TEX11: variants seen among roughly 807,000 people sequenced by gnomAD.
TEX11 encodes testis expressed 11.
Under a neutral mutation model 84.4 loss-of-function variants are expected in TEX11, and 7 were observed. That is an observed-to-expected ratio of 0.08 (90% CI 0.05 to 0.16). The LOEUF is 0.16. Ranked by LOEUF, TEX11 falls within the 10% of genes least tolerant of loss-of-function variation. TEX11 has a pLI of 1.00. For missense variants in TEX11, 551 were observed against 660.5 expected, an observed-to-expected ratio of 0.83 and a Z score of 1.82; for synonymous variants, 264 against 222.8, an observed-to-expected ratio of 1.18 and a Z score of -1.64.
At chrX:70,583,429 A>G (rs2147484054) in intron 25 of TEX11, among the ~76,000 whole-genome samples, 1 of 111,890 alleles carries the variant, frequency 8.9e-6, no homozygotes, top group South Asian at 3.8e-4. Context: ...ACTGCAAATG[A>G]CCTGATTTCA....
At chrX:70,564,947 A>T (rs1465861012) in intron 25 of TEX11, among the ~76,000 whole-genome samples, 1 of 108,843 alleles carries the variant, frequency 9.2e-6, no homozygotes, top group East Asian at 2.9e-4. Context: ...GTCAAATGGT[A>T]TTTCTAGTTC....
chrX:70,774,154 C>T (rs1006141450), intron 9 of TEX11, among the ~76,000 whole-genome samples: 5 of 109,952 alleles, frequency 4.5e-5, no homozygotes, highest in Admixed American at 9.8e-5. Context: ...CAACAGACTG[C>T]GCACTGTCCT....
intron 5 of TEX11, among the ~76,000 whole-genome samples, chrX:70,858,123 G>A (rs1287730671): frequency 3.7e-5 from 4 of 108,849 alleles, no homozygotes; most frequent in Non-Finnish European, 7.6e-5. Flanking sequence ...CTTGGGTGAT[G>A]GGTGCACCAA....
intron 20 of TEX11, among the ~76,000 whole-genome samples, chrX:70,622,049 C>T (rs1390701613): frequency 9.0e-6 from 1 of 111,194 alleles, no homozygotes; most frequent in East Asian, 2.8e-4. Context: ...CATTTATAAC[C>T]ACAGGAATTT....
At position 70,671,792 on chromosome X, in the gene TEX11, C is replaced by T. The variant is rs1275641320; in HGVS notation, c.1243-1278G>A. On this transcript the variant is annotated intron_variant, in intron 15 of 29. Transcript: ENST00000374333. Reference sequence around the variant, plus strand: ...CTCTTCACATCTTTCTCCTACAAAACCTACCATAACATTTTTTGGAAAACA... The same window carrying T: ...CTCTTCACATCTTTCTCCTACAAAATCTACCATAACATTTTTTGGAAAACA... Among the ~76,000 whole-genome samples the T allele has an allele frequency of 1.0e-4, 11 of 105,021 alleles. No individual in the cohort carries two copies. The East Asian group carries it at 2.7e-3, about 26-fold the overall frequency. The allele number at this position is 105,021 out of a possible 115,157, so 91.2% of individuals were successfully genotyped here. A position where few individuals can be genotyped will look rare whatever the true frequency, so the allele number is the denominator to read the frequency against.
At chrX:70,686,024 G>C (rs2090185767) in intron 13 of TEX11, among the ~76,000 whole-genome samples, 1 of 111,055 alleles carries the variant, frequency 9.0e-6, no homozygotes, top group African/African-American at 3.3e-5. Flanking sequence ...TAGGTTGCCT[G>C]CTCACTCTGA....
intron 17 of TEX11, among the ~76,000 whole-genome samples, chrX:70,644,788 G>C (rs1436994618): frequency 3.1e-5 from 2 of 64,596 alleles, no homozygotes; most frequent in Non-Finnish European, 5.5e-5. Context: ...GGGGGGAGGG[G>C]GGAGGGATAG....
At chrX:70,716,348 T>G (rs1315820093) in intron 13 of TEX11, among the ~76,000 whole-genome samples, 1 of 102,953 alleles carries the variant, frequency 9.7e-6, no homozygotes, top group Non-Finnish European at 2.0e-5. Flanking sequence ...TCTGCAGAAG[T>G]TTTTGCTGCC....
At chrX:70,713,469 G>T (rs1190758957) in intron 13 of TEX11, among the ~76,000 whole-genome samples, 3 of 111,739 alleles carry the variant, frequency 2.7e-5, no homozygotes, top group Non-Finnish European at 5.6e-5. Flanking sequence ...CAATGGCAGA[G>T]CCTGTTATTG....
intron 4 of TEX11, among the ~76,000 whole-genome samples, chrX:70,865,017 T>C (rs769456291): frequency 9.0e-6 from 1 of 111,115 alleles, no homozygotes; most frequent in South Asian, 3.8e-4. Flanking sequence ...GCTAGCATCA[T>C]GATGACAGGA....
chrX:70,634,887 A>T (rs1014515435), intron 17 of TEX11, among the ~76,000 whole-genome samples: 12 of 112,459 alleles, frequency 1.1e-4, no homozygotes, highest in Non-Finnish European at 1.9e-4. Context: ...CCAAAAGCAC[A>T]ATCCATAAAA....
intron 2 of TEX11, among the ~76,000 whole-genome samples, chrX:70,881,621 C>T (rs1347012551): frequency 9.0e-6 from 1 of 111,030 alleles, no homozygotes; most frequent in Non-Finnish European, 1.9e-5. Context: ...TAAACAAATG[C>T]TTGAGGTGAT....
intron 13 of TEX11, among the ~76,000 whole-genome samples, chrX:70,714,019 A>T (rs1455867024): frequency 3.6e-5 from 4 of 111,896 alleles, no homozygotes; most frequent in Admixed American, 1.9e-4. Context: ...TTCAAAGAAC[A>T]TCTTTATTTC....
chrX:70,684,194 A>C (rs1453957119), intron 13 of TEX11, among the ~76,000 whole-genome samples: 7 of 112,629 alleles, frequency 6.2e-5, no homozygotes, highest in Admixed American at 9.4e-5. Context: ...TGCAGGTTAC[A>C]AAATCAACAT....
chrX:70,728,605 G>A (rs907197577), intron 11 of TEX11, among the ~76,000 whole-genome samples: 3 of 111,536 alleles, frequency 2.7e-5, no homozygotes, highest in Non-Finnish European at 3.8e-5. Context: ...AGGCAGCAGC[G>A]AGGCTGGGGG....
chrX:70,710,091 A>ATT (rs1379800697), intron 13 of TEX11, among the ~76,000 whole-genome samples: 15 of 110,588 alleles, frequency 1.4e-4, no homozygotes, highest in African/African-American at 4.6e-4. Context: ...ACTGGAATAA[A>ATT]CAGTAACTGA....
chrX:70,568,088 C>T (rs2088520874), intron 25 of TEX11, among the ~76,000 whole-genome samples: 1 of 111,417 alleles, frequency 9.0e-6, no homozygotes, highest in South Asian at 3.8e-4. Flanking sequence ...TCAGAGTGCT[C>T]CTGTATTGGG....
At chrX:70,558,905 A>C (rs1389757190) in intron 25 of TEX11, among the ~76,000 whole-genome samples, 2 of 112,220 alleles carry the variant, frequency 1.8e-5, no homozygotes, top group Non-Finnish European at 3.8e-5. Context: ...AGAATAAAAA[A>C]GGCAGGTAAT....
intron 22 of TEX11, 112 bp downstream of exon 22, chrX:70,608,979 G>A: frequency 3.6e-6 from 2 of 555,370 alleles, no homozygotes; most frequent in South Asian, 4.1e-5. Context: ...AACAGATTAA[G>A]CAAGTTATCT....
Sources: allele counts gnomAD v4.1 joint callset (sites outside exome capture counted in the v4.1 genomes callset), GRCh38; gene constraint gnomAD v4.1.1; transcripts MANE v1.5; gene names NCBI Gene and HGNC (gene_info 2026-07-23, HGNC 2026-07-21).